DMD: variants seen among roughly 807,000 people sequenced by gnomAD.
DMD encodes mutant dystrophin.
DMD carries 63 observed loss-of-function variants against 330.1 expected under a neutral mutation model. The ratio of observed to expected loss-of-function variants is 0.19; its 90% CI spans 0.16 to 0.24. The LOEUF is 0.24. Among genes scored for constraint, DMD ranks in the 10% least tolerant of loss-of-function variants. The probability of loss-of-function intolerance (pLI) is 1.00; values close to 1 mark genes in which losing one functional copy is unlikely to be tolerated. For missense variants in DMD, 3,344 were observed against 2,684.1 expected, an observed-to-expected ratio of 1.25 and a Z score of -5.43; for synonymous variants, 1,223 against 959.8, an observed-to-expected ratio of 1.27 and a Z score of -5.07.
intron 60 of DMD, among the ~76,000 whole-genome samples, chrX:31,401,713 A>G (rs1029939748): frequency 9.0e-6 from 1 of 111,446 alleles, no homozygotes; most frequent in Non-Finnish European, 1.9e-5. Context: ...CAGAAAGTAA[A>G]TATTTCTGGC....
intron 67 of DMD, among the ~76,000 whole-genome samples, chrX:31,203,147 C>T (rs1385346829): frequency 9.2e-6 from 1 of 108,345 alleles, no homozygotes; most frequent in African/African-American, 3.4e-5. Flanking sequence ...CTTGGGGTGG[C>T]GGTGGGCGCC....
intron 1 of DMD, among the ~76,000 whole-genome samples, chrX:33,105,613 G>A (rs747259490): frequency 2.7e-5 from 3 of 111,628 alleles, no homozygotes; most frequent in East Asian, 2.8e-4. Flanking sequence ...GCTTGGAAAC[G>A]ACAAGAATAT....
chrX:32,730,431 A>G (rs1478261358), intron 7 of DMD, among the ~76,000 whole-genome samples: 2 of 112,399 alleles, frequency 1.8e-5, no homozygotes, highest in East Asian at 5.6e-4. Context: ...GTCAGGTAAC[A>G]CCAAAGTAGG....
intron 16 of DMD, among the ~76,000 whole-genome samples, chrX:32,555,344 G>A (rs2050178810): frequency 9.0e-6 from 1 of 111,039 alleles, no homozygotes; most frequent in Non-Finnish European, 1.9e-5. Flanking sequence ...CATCCAAATG[G>A]GCAAAAGCTA....
chrX:33,232,861 G>C, intron 1 of DMD, among the ~76,000 whole-genome samples: 1 of 111,441 alleles, frequency 9.0e-6, no homozygotes, highest in Middle Eastern at 4.6e-3. Context: ...TCTGATGATG[G>C]ACAGAATCTA....
At chrX:32,818,162 A>C (rs2077913575) in intron 5 of DMD, among the ~76,000 whole-genome samples, 1 of 112,017 alleles carries the variant, frequency 8.9e-6, no homozygotes, top group Non-Finnish European at 1.9e-5. Flanking sequence ...TAGTGGCTTA[A>C]TGGTGGTAAT....
intron 52 of DMD, among the ~76,000 whole-genome samples, chrX:31,727,977 G>A (rs776443029): frequency 8.9e-5 from 10 of 112,523 alleles, no homozygotes; most frequent in Non-Finnish European, 1.9e-4. Context: ...TAGAAAGAGC[G>A]CAGATTTTCA....
chrX:33,303,571 TC>T (rs2053701030), intron 1 of DMD, among the ~76,000 whole-genome samples: 1 of 111,358 alleles, frequency 9.0e-6, no homozygotes, highest in South Asian at 3.8e-4. Flanking sequence ...GTTCCCATAA[TC>T]CCCCTGTGTG....
At chrX:31,880,293 C>T (rs1375793391) in intron 47 of DMD, among the ~76,000 whole-genome samples, 12 of 111,323 alleles carry the variant, frequency 1.1e-4, no homozygotes, top group East Asian at 8.4e-4. Context: ...ATATAATATG[C>T]GTATTCACTT....
At chrX:32,581,579 A>T (rs965420498) in intron 13 of DMD, among the ~76,000 whole-genome samples, 34 of 112,115 alleles carry the variant, frequency 3.0e-4, no homozygotes, top group Non-Finnish European at 6.0e-4. Context: ...ATTCGAGCTG[A>T]CTCCAAAACG....
At chrX:31,757,495 A>G (rs1182622392) in intron 51 of DMD, among the ~76,000 whole-genome samples, 1 of 111,622 alleles carries the variant, frequency 9.0e-6, no homozygotes, top group African/African-American at 3.3e-5. Context: ...TAATTTATAA[A>G]CAACAGAATT....
intron 77 of DMD, among the ~76,000 whole-genome samples, chrX:31,128,237 T>C (rs1319299896): frequency 3.6e-5 from 4 of 112,168 alleles, no homozygotes; most frequent in Non-Finnish European, 7.5e-5. Flanking sequence ...TGTAAGACTA[T>C]AAGCCTCTTG....
At chrX:32,416,346 C>T (rs999692542) in intron 29 of DMD, among the ~76,000 whole-genome samples, 5 of 111,862 alleles carry the variant, frequency 4.5e-5, no homozygotes, top group Non-Finnish European at 9.4e-5. Flanking sequence ...GCACTGTTTA[C>T]AATCATCTCG....
intron 55 of DMD, among the ~76,000 whole-genome samples, chrX:31,589,353 C>G (rs748097117): frequency 1.0e-3 from 111 of 111,229 alleles, no homozygotes; most frequent in African/African-American, 3.5e-3. Context: ...TCTATCATTC[C>G]GGGTTCTATC....
chrX:31,164,164 TCTC>T (rs1294569233), intron 74 of DMD, among the ~76,000 whole-genome samples: 1 of 112,140 alleles, frequency 8.9e-6, no homozygotes, highest in Non-Finnish European at 1.9e-5. Flanking sequence ...AATCCAGTGT[TCTC>T]CTTCTGCTAC....
intron 51 of DMD, among the ~76,000 whole-genome samples, chrX:31,771,562 G>T (rs2090341459): frequency 9.2e-6 from 1 of 109,224 alleles, no homozygotes; most frequent in South Asian, 4.0e-4. Context: ...GAGTGCAATG[G>T]TGTGATCTCA....
intron 17 of DMD, among the ~76,000 whole-genome samples, chrX:32,536,402 A>C (rs972736674): frequency 4.5e-5 from 5 of 111,467 alleles, no homozygotes; most frequent in African/African-American, 1.6e-4. Flanking sequence ...ATCTAAAGAG[A>C]ATCTTAGGCA....
At position 32,780,111 on chromosome X, in the gene DMD, G is replaced by C. The variant is rs776219564; in HGVS notation, c.649+29382C>G. Among the ~76,000 whole-genome samples the C allele has an allele frequency of 1.4e-3, 160 of 111,475 alleles. 2 individuals carry two copies. The highest frequency in any genetic ancestry group is 4.8e-3 in the African/African-American group (146 of 30,661). ...CCGATATGTAGTGTGTATTGCTTTA[G>C]CATACTCAATAAAATCCATTGAGAC... On this transcript the variant is annotated intron_variant, in intron 7 of 78. Coordinates refer to ENST00000357033, the MANE Select transcript of DMD (RefSeq NM_004006.3).
chrX:33,339,329 G>C (rs1169061296), exon 1 of DMD: 1 of 983,832 alleles, frequency 1.0e-6, no homozygotes, highest in Non-Finnish European at 1.4e-6. Context: ...AATCAAGATA[G>C]TGCAAAACAG....
Sources: allele counts gnomAD v4.1 joint callset (sites outside exome capture counted in the v4.1 genomes callset), GRCh38; gene constraint gnomAD v4.1.1; transcripts MANE v1.5; gene names NCBI Gene and HGNC (gene_info 2026-07-23, HGNC 2026-07-21).